Variants in GABRR1 observed in about 807,000 individuals in gnomAD.
GABRR1 encodes the protein gamma-aminobutyric acid receptor subunit rho-1.
Under a neutral mutation model 55.5 loss-of-function variants are expected in GABRR1, and 59 were observed. The observed-to-expected ratio is 1.06, with a 90% CI of 0.86 to 1.32. The LOEUF (loss-of-function observed/expected upper bound fraction) is 1.32. GABRR1 is among the 40% of genes most tolerant of loss of function. The pLI is 0.00. For missense variants in GABRR1, 602 were observed against 619.1 expected (o/e 0.97, Z 0.29); for synonymous variants, 213 against 226.0 (o/e 0.94, Z 0.51).
chr6:89,190,070 G>T (rs1457268119), intron 6 of GABRR1, 95 bp downstream of exon 6: 8 of 773,766 alleles, frequency 1.0e-5, no homozygotes, highest in East Asian at 2.9e-5. Context: ...GTCTACTCAT[G>T]AATAAGGAAC....
chr6:89,223,573 G>A (rs1258072566), intron 1 of GABRR1, among the ~76,000 whole-genome samples: 2 of 152,172 alleles, frequency 1.3e-5, no homozygotes, highest in Non-Finnish European at 2.9e-5. Context: ...TCAGTAGCGG[G>A]ATTGCTGGAT....
At chr6:89,204,340 G>A (rs1436714388) in intron 1 of GABRR1, among the ~76,000 whole-genome samples, 1 of 152,268 alleles carries the variant, frequency 6.6e-6, no homozygotes, top group East Asian at 1.9e-4. Context: ...GGCGTGGGCA[G>A]AGCTAAGACT....
intron 5 of GABRR1, among the ~76,000 whole-genome samples, chr6:89,194,033 G>T (rs1772183646): frequency 6.6e-6 from 1 of 152,158 alleles, no homozygotes; most frequent in African/African-American, 2.4e-5. Context: ...TCCCTGTCAG[G>T]AGATTTGTCC....
In GABRR1 at chr6:89,177,513, T is replaced by C. The variant is rs1427877291; in HGVS notation, c.*1257A>G. On this transcript the variant is annotated 3_prime_UTR_variant, in exon 10 of 10. Coordinates refer to ENST00000454853, the MANE Select transcript of GABRR1 (RefSeq NM_002042.5). The stretch of plus-strand genomic sequence containing the variant: ...AATGAAAATGACATTATTGTGTATA[T>C]AATTCACTTTATTAAAGTGAGTTTC... The C allele has an allele frequency of 2.6e-5, 4 of 152,248 alleles. No individual in the cohort carries two copies. Among genetic ancestry groups the C allele is most frequent in the Non-Finnish European group, 5.9e-5 (4 of 68,048 alleles). 9.4% of individuals were successfully genotyped at this position (152,248 alleles called of 1,614,324 possible).
intron 7 of GABRR1, among the ~76,000 whole-genome samples, chr6:89,184,642 T>C (rs2127790719): frequency 6.6e-6 from 1 of 152,278 alleles, no homozygotes; most frequent in Non-Finnish European, 1.5e-5. Flanking sequence ...ACCTGAATTG[T>C]ATTTGTTTCC....
At chr6:89,181,188 A>G (rs558487345) in intron 8 of GABRR1, among the ~76,000 whole-genome samples, 4 of 152,246 alleles carry the variant, frequency 2.6e-5, no homozygotes, top group African/African-American at 9.6e-5. Flanking sequence ...TTTCAAATTA[A>G]GCTCAGAACA....
intron 7 of GABRR1, among the ~76,000 whole-genome samples, chr6:89,184,047 C>T (rs187077518): frequency 1.1e-3 from 174 of 152,206 alleles, no homozygotes; most frequent in Middle Eastern, 0.01. Flanking sequence ...CAAGACCAGC[C>T]TGGCCAACAT....
At chr6:89,204,236 A>G (rs1190884908) in intron 1 of GABRR1, among the ~76,000 whole-genome samples, 1 of 152,192 alleles carries the variant, frequency 6.6e-6, no homozygotes, top group African/African-American at 2.4e-5. Context: ...GTTTTCTGCC[A>G]GGACTCGACT....
chr6:89,199,250 C>T, intron 4 of GABRR1, 112 bp downstream of exon 4: 1 of 922,894 alleles, frequency 1.1e-6, no homozygotes, highest in South Asian at 1.4e-5. Flanking sequence ...TGTGGGGATT[C>T]CCACCGCCCA....
rs1179914205 is a variant in GABRR1 at position 89,180,453 on chromosome 6, T to C, written c.985A>G (p.Thr329Ala). The C allele has an allele frequency of 1.9e-6, 3 of 1,613,738 alleles. No individual in the cohort carries two copies. The highest frequency in any genetic ancestry group is 1.7e-5 in the Admixed American group (1 of 59,940). ...TTVLTMSTIITGVNASMPRVS... is the reference protein window; with the variant it reads ...TTVLTMSTIIAGVNASMPRVS... ...CGCGGCATGGAGGCATTCACGCCCGTGATGATGGTGGACATGGTCAGCACC... is the reference window on the plus strand; with the variant it reads ...CGCGGCATGGAGGCATTCACGCCCGCGATGATGGTGGACATGGTCAGCACC... Residue 329 changes from threonine (T) to alanine (A), a missense_variant, in exon 9 of 10, where the codon ACG becomes GCG. Physicochemically the swap from Thr to Ala is moderately conservative, Grantham distance 58. This residue lies in a region of GABRR1 where 435 missense variants were observed against 424.2 expected (regional missense o/e 1.03). Transcript: ENST00000454853.
intron 1 of GABRR1, among the ~76,000 whole-genome samples, chr6:89,210,077 T>C (rs554015357): frequency 6.6e-6 from 1 of 152,222 alleles, no homozygotes; most frequent in Non-Finnish European, 1.5e-5. Flanking sequence ...TGTGGATATG[T>C]TATGTGACCA....
chr6:89,195,544 T>C (rs1772238075), intron 5 of GABRR1, among the ~76,000 whole-genome samples: 1 of 152,068 alleles, frequency 6.6e-6, no homozygotes, highest in African/African-American at 2.4e-5. Flanking sequence ...AGAAGAATAT[T>C]TTCAAAGTGC....
intron 5 of GABRR1, among the ~76,000 whole-genome samples, chr6:89,193,441 G>C (rs533108038): frequency 6.6e-6 from 1 of 151,996 alleles, no homozygotes; most frequent in Non-Finnish European, 1.5e-5. Flanking sequence ...TTTGCAATGA[G>C]AAATCAACTC....
intron 1 of GABRR1, among the ~76,000 whole-genome samples, chr6:89,216,423 A>G (rs1447464595): frequency 6.6e-6 from 1 of 152,224 alleles, no homozygotes; most frequent in East Asian, 1.9e-4. Context: ...CCATTTCCTC[A>G]TCAGTACAGA....
chr6:89,228,799 A>C (rs1034257418), intron 1 of GABRR1, among the ~76,000 whole-genome samples: 12 of 152,106 alleles, frequency 7.9e-5, no homozygotes, highest in African/African-American at 2.9e-4. Context: ...TGCAGAGCTG[A>C]GTTCAATTCC....
At chr6:89,205,572 G>A (rs979887682) in intron 1 of GABRR1, 1 of 152,212 alleles carries the variant, frequency 6.6e-6, no homozygotes, top group Non-Finnish European at 1.5e-5. Context: ...ATGTCTGCTT[G>A]TTCTAGTTCT....
chr6:89,197,368 T>C (rs1352332270), intron 5 of GABRR1, among the ~76,000 whole-genome samples: 1 of 152,182 alleles, frequency 6.6e-6, no homozygotes, highest in Non-Finnish European at 1.5e-5. Flanking sequence ...CTGCTGCTCA[T>C]CTCCATGTGC....
chr6:89,224,647 T>C (rs1773168493), intron 1 of GABRR1, among the ~76,000 whole-genome samples: 1 of 152,264 alleles, frequency 6.6e-6, no homozygotes, highest in Non-Finnish European at 1.5e-5. Context: ...TGAGTGTTCC[T>C]TTTGCTGTGC....
intron 1 of GABRR1, among the ~76,000 whole-genome samples, chr6:89,206,312 G>T (rs774734384): frequency 6.6e-6 from 1 of 152,008 alleles, no homozygotes. Context: ...CCATAATAAG[G>T]CTCCCACTCA....
Sources: gnomAD v4.1 joint callset for allele counts (sites outside exome capture counted in the v4.1 genomes callset) on GRCh38, gnomAD v4.1.1 for gene constraint, gnomAD v4.1.1 regional missense constraint, MANE v1.5 for transcripts, NCBI Gene and HGNC (gene_info 2026-07-23, HGNC 2026-07-21) for gene names.